The following MYBPC2 variants were observed in gnomAD, a reference collection of about 807,000 sequenced individuals.
MYBPC2 encodes the protein myosin binding protein C2, also known as myosin-binding protein C, fast-type.
MYBPC2 carries 122 observed loss-of-function variants against 137.0 expected under a neutral mutation model. That is an observed-to-expected ratio of 0.89 (90% CI 0.77 to 1.03). The LOEUF (loss-of-function observed/expected upper bound fraction) is 1.03. Among genes scored for constraint, MYBPC2 ranks in the 50% least tolerant of loss-of-function variants. MYBPC2 has a pLI of 0.00. For synonymous variants in MYBPC2, 626 were observed against 612.3 expected (o/e 1.02, Z -0.33); for missense variants, 1,500 against 1,534.4 (o/e 0.98, Z 0.37).
intron 22 of MYBPC2, 21 bp from the exon 23 acceptor site, chr19:50,459,090 C>CGCCCCGCCCT: frequency 6.5e-7 from 1 of 1,549,900 alleles, no homozygotes. Flanking sequence ...GACCCCACCC[C>CGCCCCGCCCT]GCCCCGCCCT....
intron 12 of MYBPC2, among the ~76,000 whole-genome samples, chr19:50,447,023 C>A (rs931666454): frequency 6.6e-5 from 10 of 151,716 alleles, no homozygotes; most frequent in African/African-American, 2.2e-4. Context: ...CCAACCACAG[C>A]CCCCCTGTTG....
Position 50,441,093 on chromosome 19 carries a change from G to A in MYBPC2, c.769+17G>A, listed in dbSNP as rs1299163924. 2 of 1,567,998 alleles carry A rather than the reference G, an allele frequency of 1.3e-6. No individual in the cohort carries two copies. Among genetic ancestry groups the A allele is most frequent in the Non-Finnish European group, 1.7e-6 (2 of 1,157,004 alleles). ...AGAGTGCAGGTCAGCCCTGGTCTGG[G>A]GGGAGCTGGGCCCTGCACACAAGGG... On this transcript the variant is annotated intron_variant, in intron 8 of 27. Coordinates refer to ENST00000357701, the MANE Select transcript of MYBPC2 (RefSeq NM_004533.4).
intron 23 of MYBPC2, 115 bp from the exon 24 acceptor site, chr19:50,459,925 A>G: frequency 1.4e-6 from 2 of 1,438,830 alleles, no homozygotes; most frequent in Non-Finnish European, 1.9e-6. Flanking sequence ...CAGGAATGGG[A>G]ATGGGGCATA....
rs1032709111 is a variant in MYBPC2, at chr19:50,435,420, C to T, written c.109+170C>T. 6.6e-6 allele frequency among the ~76,000 whole-genome samples: 1 copy of T among 152,216 alleles called. No homozygotes were observed. The highest frequency in any genetic ancestry group is 2.4e-5 in the African/African-American group (1 of 41,460). On this transcript the variant is annotated intron_variant, in intron 2 of 27. Transcript: ENST00000357701. This position sits in a 1 kb window ranked among gnomAD's most constrained non-coding sequence, Gnocchi z 4.8. ...AGCCCTCCCGGGGCTCCCTGGCACC[C>T]GCAGGCAGAGCCCAGCCCCTCGGCT...
intron 11 of MYBPC2, 52 bp downstream of exon 11, chr19:50,443,868 C>A: frequency 1.3e-6 from 2 of 1,535,446 alleles, no homozygotes; most frequent in Admixed American, 1.7e-5. Flanking sequence ...AGTTTCTTTG[C>A]CTCTGCCTTG....
intron 25 of MYBPC2, 69 bp downstream of exon 25, chr19:50,461,770 C>T (rs1040982528): frequency 6.3e-6 from 10 of 1,597,228 alleles, no homozygotes; most frequent in African/African-American, 1.3e-5. Flanking sequence ...CACCTGGACT[C>T]CTGCCCTCCC....
chr19:50,438,419 C>T (rs900967858), intron 7 of MYBPC2, among the ~76,000 whole-genome samples: 10 of 151,978 alleles, frequency 6.6e-5, no homozygotes, highest in South Asian at 6.2e-4. Context: ...GGTGGGGAAG[C>T]GGATGGATGG....
rs769616348 is a variant in MYBPC2 at position 50,462,020 on chromosome 19, T to A, written c.3212T>A (p.Val1071Asp). ...AGYSAALNCA[V>D]RGHPKPKVVW... ...TACTCGGCAGCCCTCAACTGTGCTG[T>A]CAGAGGCCACCCGAAGGTGCCAGGG... The change falls in exon 26 of 28, where the codon GTC (valine) becomes GAC (aspartate). Residue 1071 changes from valine to aspartate, a missense_variant. Coordinates refer to ENST00000357701, the MANE Select transcript of MYBPC2 (RefSeq NM_004533.4). 6.4e-7 allele frequency: 1 copy of A among 1,572,482 alleles called. No homozygotes were observed.
chr19:50,458,550 AG>A, intron 20 of MYBPC2, 36 bp from the exon 21 acceptor site: 1 of 1,602,384 alleles, frequency 6.2e-7, no homozygotes. Flanking sequence ...GGATGGGAGG[AG>A]GGCACGAGAT....
At chr19:50,439,443 CCCTT>C (rs1354439596) in intron 7 of MYBPC2, among the ~76,000 whole-genome samples, 2 of 151,812 alleles carry the variant, frequency 1.3e-5, no homozygotes, top group Admixed American at 1.3e-4. Context: ...TTGTTCCTTT[CCCTT>C]CCTTCCTTCC....
chr19:50,458,913 C>T lies in MYBPC2; in HGVS notation c.2507-5C>T, dbSNP rs370492185. The T allele has an allele frequency of 3.1e-6, 5 of 1,609,944 alleles. No homozygotes were observed. Among genetic ancestry groups the T allele is most frequent in the African/African-American group, 2.7e-5 (2 of 74,826 alleles). ...TGAGCCCCCTCCCTGTGTTTGCGCC[C>T]TCAGAGCCACCCAAGATCCGGCTTC... is the stretch of plus-strand genomic sequence containing the variant. On this transcript the variant is annotated splice_polypyrimidine_tract_variant and splice_region_variant and intron_variant, in intron 21 of 27. Coordinates refer to ENST00000357701, the MANE Select transcript of MYBPC2 (RefSeq NM_004533.4).
At position 50,432,895 on chromosome 19, in the gene MYBPC2, C is replaced by T. The variant is rs1405735286; in HGVS notation, c.-59C>T. Reference sequence around the variant, plus strand: ...GGCTCCCCTTAGGGGCCCACCTGTCCTCCCTAGGGCCTAGCGGGACGCGGC... The same window carrying T: ...GGCTCCCCTTAGGGGCCCACCTGTCTTCCCTAGGGCCTAGCGGGACGCGGC... On this transcript the variant is annotated 5_prime_UTR_variant, in exon 1 of 28. Coordinates refer to ENST00000357701, the MANE Select transcript of MYBPC2 (RefSeq NM_004533.4). The surrounding 1 kb of genome is among the most constrained non-coding windows in gnomAD (Gnocchi z 5.5). 5.7e-6 allele frequency: 9 copies of T among 1,585,812 alleles called. No individual in the cohort carries two copies. The highest frequency in any genetic ancestry group is 2.2e-4 in the Middle Eastern group (1 of 4,490).
Position 50,435,584 on chromosome 19 carries a change from T to A in MYBPC2, c.110-192T>A, listed in dbSNP as rs570416336. Reference sequence around the variant, plus strand: ...CGAGGCCCAAAGGGGTGAGGGAGCCTGGCCAAGGTCACACAGCCACGAGGG... The same window carrying A: ...CGAGGCCCAAAGGGGTGAGGGAGCCAGGCCAAGGTCACACAGCCACGAGGG... On this transcript the variant is annotated intron_variant, in intron 2 of 27. Transcript: ENST00000357701. This position sits in a 1 kb window ranked among gnomAD's most constrained non-coding sequence, Gnocchi z 4.8. 3.9e-5 allele frequency among the ~76,000 whole-genome samples: 6 copies of A among 152,368 alleles called. No homozygotes were observed. The highest frequency in any genetic ancestry group is 1.4e-4 in the African/African-American group (6 of 41,592).
intron 12 of MYBPC2, among the ~76,000 whole-genome samples, chr19:50,447,829 C>G (rs1406039016): frequency 6.6e-6 from 1 of 151,902 alleles, no homozygotes; most frequent in African/African-American, 2.4e-5. Flanking sequence ...TGCAGTCCAG[C>G]CTGGGCGACA....
chr19:50,464,662 G>A, intron 27 of MYBPC2, 130 bp downstream of exon 27: 2 of 1,107,060 alleles, frequency 1.8e-6, no homozygotes, highest in Non-Finnish European at 2.5e-6. Context: ...GAGGAGGACT[G>A]GGAAGCTGCT....
chr19:50,439,488 T>C (rs2039732323), intron 7 of MYBPC2, among the ~76,000 whole-genome samples: 1 of 151,844 alleles, frequency 6.6e-6, no homozygotes, highest in Non-Finnish European at 1.5e-5. Context: ...ATTCACTCAC[T>C]CTCTCACCCA....
At chr19:50,438,295 G>C (rs1185838630) in intron 7 of MYBPC2, among the ~76,000 whole-genome samples, 4 of 152,194 alleles carry the variant, frequency 2.6e-5, no homozygotes, top group Non-Finnish European at 2.9e-5. Flanking sequence ...GATAACGGGT[G>C]AATGGGATGT....
intron 7 of MYBPC2, among the ~76,000 whole-genome samples, chr19:50,438,235 A>G (rs1274315990): frequency 6.6e-6 from 1 of 152,124 alleles, no homozygotes; most frequent in African/African-American, 2.4e-5. Context: ...CCACCTGTTT[A>G]CCTGCCCATC....
Position 50,443,443 on chromosome 19 carries a change from G to T in MYBPC2, c.903-51G>T, listed in dbSNP as rs200004300. 3.6e-5 allele frequency: 57 copies of T among 1,594,810 alleles called. No homozygotes were observed. In the East Asian group the frequency reaches 9.0e-4, roughly 25 times the overall value. On this transcript the variant is annotated intron_variant, in intron 9 of 27. Coordinates refer to ENST00000357701, the MANE Select transcript of MYBPC2 (RefSeq NM_004533.4). ...AGAACAGGTAAGCAGAGCTACCCCA[G>T]GGATAGGTGGATGCTCCACGCCCTG...
Sources: allele counts gnomAD v4.1 joint callset (sites outside exome capture counted in the v4.1 genomes callset), GRCh38; gene constraint gnomAD v4.1.1; non-coding constraint Gnocchi (gnomAD v3.1); transcripts MANE v1.5; gene names NCBI Gene and HGNC (gene_info 2026-07-23, HGNC 2026-07-21).